Variants in FARSB observed in about 807,000 individuals in gnomAD.
FARSB encodes phenylalanine--tRNA ligase beta subunit.
FARSB carries 40 observed loss-of-function variants against 69.6 expected under a neutral mutation model. The observed-to-expected ratio is 0.57, with a 90% confidence interval of 0.45 to 0.75. The LOEUF (loss-of-function observed/expected upper bound fraction) is 0.75. Among genes scored for constraint, FARSB ranks in the 30% least tolerant of loss-of-function variants. FARSB has a pLI of 0.00. For synonymous variants in FARSB, 235 were observed against 247.2 expected, an observed-to-expected ratio of 0.95 and a Z score of 0.46; for missense variants, 632 against 722.9, an observed-to-expected ratio of 0.87 and a Z score of 1.44.
At chr2:222,644,565 C>T (rs1427233211) in intron 2 of FARSB, 2 of 453,280 alleles carry the variant, frequency 4.4e-6, no homozygotes, top group Non-Finnish European at 8.9e-6. Context: ...TCAGGAGGGA[C>T]CTATATACAG....
intron 10 of FARSB, among the ~76,000 whole-genome samples, chr2:222,625,287 T>C (rs1434188869): frequency 6.6e-6 from 1 of 152,170 alleles, no homozygotes; most frequent in Admixed American, 6.5e-5. Context: ...TCAAACAGTA[T>C]ATAACTCCAC....
At chr2:222,620,575 G>A (rs1269203134) in intron 13 of FARSB, among the ~76,000 whole-genome samples, 2 of 152,212 alleles carry the variant, frequency 1.3e-5, no homozygotes, top group African/African-American at 2.4e-5. Flanking sequence ...GATATAATGA[G>A]ATAATGCAAG....
At chr2:222,591,857 T>C (rs1235344824) in intron 16 of FARSB, among the ~76,000 whole-genome samples, 1 of 152,224 alleles carries the variant, frequency 6.6e-6, no homozygotes, top group Non-Finnish European at 1.5e-5. Flanking sequence ...GGCAATAATT[T>C]AAAGTGTGTC....
At position 222,634,868 on chromosome 2, in the gene FARSB, T is replaced by C. The variant is rs368714159; in HGVS notation, c.456-327A>G. Among the ~76,000 whole-genome samples, 8 of 152,362 alleles carry C rather than the reference T, an allele frequency of 5.3e-5. No individual in the cohort carries two copies. In the East Asian group the frequency reaches 7.7e-4, roughly 15 times the overall value. Reference sequence around the variant, plus strand: ...CTAGGATATCTTCAAAGTTAGCATTTCCTTTACCTCTTTTAACCTATTTCT... The same window carrying C: ...CTAGGATATCTTCAAAGTTAGCATTCCCTTTACCTCTTTTAACCTATTTCT... On this transcript the variant is annotated intron_variant, in intron 5 of 16. Coordinates refer to ENST00000281828, the MANE Select transcript of FARSB (RefSeq NM_005687.5).
intron 16 of FARSB, among the ~76,000 whole-genome samples, chr2:222,580,412 G>C (rs1689936755): frequency 6.6e-6 from 1 of 151,890 alleles, no homozygotes; most frequent in African/African-American, 2.4e-5. Context: ...TGCAATCCTA[G>C]TGCTTTGGGA....
intron 10 of FARSB, among the ~76,000 whole-genome samples, chr2:222,625,488 T>C (rs1691245008): frequency 6.6e-6 from 1 of 152,180 alleles, no homozygotes; most frequent in Non-Finnish European, 1.5e-5. Flanking sequence ...CTACTCAAAA[T>C]GCGGTCCTCA....
Position 222,637,733 on chromosome 2 carries a change from C to T in FARSB, c.455+1847G>A, listed in dbSNP as rs556255340. Among the ~76,000 whole-genome samples the T allele has an allele frequency of 3.3e-4, 50 of 152,134 alleles. No homozygotes were observed. The South Asian group carries it at 1.0e-2, about 30-fold the overall frequency. On this transcript the variant is annotated intron_variant, in intron 5 of 16. Transcript: ENST00000281828. ...AAAATGAGTGGTTCATAACTGTAAC[C>T]CCAGCACTTTAGGAGGCTGAAACAG...
intron 16 of FARSB, among the ~76,000 whole-genome samples, chr2:222,584,841 G>C (rs2106183613): frequency 6.6e-6 from 1 of 152,334 alleles, no homozygotes; most frequent in African/African-American, 2.4e-5. Flanking sequence ...AAAGCAGCTG[G>C]GAAGCTCAAA....
intron 15 of FARSB, among the ~76,000 whole-genome samples, chr2:222,601,207 T>C (rs1690548720): frequency 6.6e-6 from 1 of 152,200 alleles, no homozygotes; most frequent in Admixed American, 6.5e-5. Context: ...AACGTGCACA[T>C]AGTTAACACT....
intron 1 of FARSB, among the ~76,000 whole-genome samples, chr2:222,651,123 G>A (rs1692028122): frequency 6.6e-6 from 1 of 152,194 alleles, no homozygotes; most frequent in Admixed American, 6.5e-5. Context: ...GGATGCAGGT[G>A]AGGACATGGA....
intron 16 of FARSB, among the ~76,000 whole-genome samples, chr2:222,593,471 G>A (rs1485617328): frequency 6.6e-6 from 1 of 152,222 alleles, no homozygotes; most frequent in Non-Finnish European, 1.5e-5. Flanking sequence ...TGACTGCCTT[G>A]TGGCTGATCT....
intron 5 of FARSB, among the ~76,000 whole-genome samples, chr2:222,637,648 T>G (rs770903368): frequency 2.0e-5 from 3 of 151,968 alleles, no homozygotes; most frequent in Non-Finnish European, 4.4e-5. Flanking sequence ...TCAATAAAAA[T>G]AGAGGAAAAA....
At chr2:222,594,928 G>A (rs769707374) in intron 16 of FARSB, among the ~76,000 whole-genome samples, 2 of 152,184 alleles carry the variant, frequency 1.3e-5, no homozygotes, top group Non-Finnish European at 2.9e-5. Flanking sequence ...TAAAAACAGT[G>A]CCTGTGTTAT....
intron 16 of FARSB, among the ~76,000 whole-genome samples, chr2:222,587,685 G>A (rs536082134): frequency 1.9e-3 from 282 of 152,174 alleles, no homozygotes; most frequent in Non-Finnish European, 1.9e-3. Context: ...TATCACCACC[G>A]ATCCCACAGA....
At chr2:222,612,577 C>A (rs1014190725) in intron 15 of FARSB, among the ~76,000 whole-genome samples, 10 of 152,314 alleles carry the variant, frequency 6.6e-5, no homozygotes, top group African/African-American at 2.4e-4. Flanking sequence ...AAGGTCTCTG[C>A]TTTTGTCAAC....
chr2:222,600,174 A>G, intron 15 of FARSB, 91 bp from the exon 16 acceptor site: 1 of 1,079,492 alleles, frequency 9.3e-7, no homozygotes, highest in East Asian at 2.7e-5. Flanking sequence ...AAAGTCAACA[A>G]AAAAGAAAAC....
intron 13 of FARSB, among the ~76,000 whole-genome samples, chr2:222,620,292 T>C (rs541586348): frequency 1.5e-4 from 23 of 152,384 alleles, no homozygotes; most frequent in African/African-American, 4.6e-4. Context: ...CTTTCCATTT[T>C]GACTACCATT....
rs1236720452 is a variant in FARSB at position 222,567,064 on chromosome 2, C to G, written c.*4807G>C. On this transcript the variant is annotated 3_prime_UTR_variant, in exon 17 of 17. Coordinates refer to ENST00000281828, the MANE Select transcript of FARSB (RefSeq NM_005687.5). Reference sequence around the variant, plus strand: ...CTTCTGTATGTGTGCGCCAGGTAGGCAGAGAAACAGAGCAAGCTCTCTGGT... The same window carrying G: ...CTTCTGTATGTGTGCGCCAGGTAGGGAGAGAAACAGAGCAAGCTCTCTGGT... 6.6e-6 allele frequency: 1 copy of G among 152,206 alleles called. No homozygotes were observed. The highest frequency in any genetic ancestry group is 1.9e-4 in the East Asian group (1 of 5,194). 9.4% of individuals were successfully genotyped at this position (152,206 alleles called of 1,614,324 possible).
At chr2:222,633,030 G>A (rs923788811) in intron 7 of FARSB, among the ~76,000 whole-genome samples, 169 bp downstream of exon 7, 1 of 152,150 alleles carries the variant, frequency 6.6e-6, no homozygotes, top group African/African-American at 2.4e-5. Flanking sequence ...CCAATAAAAT[G>A]TTGTTGAATA....
Sources: allele counts gnomAD v4.1 joint callset (sites outside exome capture counted in the v4.1 genomes callset), GRCh38; gene constraint gnomAD v4.1.1; transcripts MANE v1.5; gene names NCBI Gene and HGNC (gene_info 2026-07-23, HGNC 2026-07-21).